The following GUCY1A2 variants were observed in gnomAD, a reference collection of about 807,000 sequenced individuals.
GUCY1A2 encodes the protein guanylate cyclase soluble subunit alpha-2.
Under a neutral mutation model 63.5 loss-of-function variants are expected in GUCY1A2, and 27 were observed. The ratio of observed to expected loss-of-function variants is 0.43; its 90% CI spans 0.31 to 0.59. GUCY1A2 has a LOEUF of 0.59. GUCY1A2 is among the 20% of genes least tolerant of loss of function. The pLI, the probability that GUCY1A2 is intolerant of heterozygous loss-of-function variation, is 0.11. For missense variants in GUCY1A2, 768 were observed against 913.3 expected, an observed-to-expected ratio of 0.84 and a Z score of 2.05; for synonymous variants, 364 against 343.5, an observed-to-expected ratio of 1.06 and a Z score of -0.66.
At chr11:106,718,466 T>C (rs778359014) in intron 6 of GUCY1A2, among the ~76,000 whole-genome samples, 3 of 152,114 alleles carry the variant, frequency 2.0e-5, no homozygotes, top group Non-Finnish European at 2.9e-5. Context: ...TATAGCAATA[T>C]GGCTCAAATT....
At position 106,742,633 on chromosome 11, in the gene GUCY1A2, T is replaced by C. The variant is rs182372902; in HGVS notation, c.1836+33806A>G. Among the ~76,000 whole-genome samples the C allele has an allele frequency of 4.5e-3, 692 of 152,336 alleles. 3 individuals carry two copies. Among genetic ancestry groups the C allele is most frequent in the Non-Finnish European group, 6.5e-3 (445 of 68,028 alleles). ...GGTTACATGTCTTTGCTATTGTGAATAGTACTGCAATGAACATGTGTGCAT... is the reference window on the plus strand; with the variant it reads ...GGTTACATGTCTTTGCTATTGTGAACAGTACTGCAATGAACATGTGTGCAT... On this transcript the variant is annotated intron_variant, in intron 6 of 7. Coordinates refer to ENST00000526355, the MANE Select transcript of GUCY1A2 (RefSeq NM_000855.3).
At chr11:106,974,078 C>T (rs1272178231) in intron 3 of GUCY1A2, among the ~76,000 whole-genome samples, 1 of 152,028 alleles carries the variant, frequency 6.6e-6, no homozygotes, top group East Asian at 1.9e-4. Context: ...TCCAGTCTTG[C>T]TCTAAATCAC....
At chr11:106,700,831 T>C (rs1001868232) in intron 7 of GUCY1A2, among the ~76,000 whole-genome samples, 2 of 152,006 alleles carry the variant, frequency 1.3e-5, no homozygotes, top group Non-Finnish European at 2.9e-5. Context: ...GAAAAACTAC[T>C]AGATAAGAAT....
At chr11:106,748,388 CATACTT>C (rs563251914) in intron 6 of GUCY1A2, among the ~76,000 whole-genome samples, 54 of 152,300 alleles carry the variant, frequency 3.5e-4, no homozygotes, top group African/African-American at 1.1e-3. Flanking sequence ...TATATGTACA[CATACTT>C]ATACAGGCTG....
At chr11:106,700,133 A>G (rs1230974911) in intron 7 of GUCY1A2, among the ~76,000 whole-genome samples, 1 of 152,072 alleles carries the variant, frequency 6.6e-6, no homozygotes, top group Non-Finnish European at 1.5e-5. Context: ...ATAATTATAT[A>G]TTTTCTCATT....
At chr11:106,806,223 T>C (rs1467218312) in intron 5 of GUCY1A2, among the ~76,000 whole-genome samples, 1 of 152,094 alleles carries the variant, frequency 6.6e-6, no homozygotes, top group Non-Finnish European at 1.5e-5. Flanking sequence ...TCTCAACTCT[T>C]TATAGGAAAG....
intron 4 of GUCY1A2, among the ~76,000 whole-genome samples, chr11:106,868,005 G>A (rs904461100): frequency 1.3e-4 from 20 of 152,010 alleles, no homozygotes; most frequent in South Asian, 1.0e-3. Flanking sequence ...CTCTGGTCTG[G>A]TGACAGATAT....
intron 3 of GUCY1A2, among the ~76,000 whole-genome samples, chr11:106,945,351 C>T (rs746736139): frequency 6.6e-5 from 10 of 151,510 alleles, no homozygotes; most frequent in Middle Eastern, 6.8e-3. Flanking sequence ...GAGATTCCAT[C>T]ACTCAGTGAA....
intron 4 of GUCY1A2, among the ~76,000 whole-genome samples, chr11:106,938,580 G>A (rs1025899916): frequency 2.6e-5 from 4 of 152,106 alleles, no homozygotes; most frequent in African/African-American, 9.7e-5. Flanking sequence ...ACTGGAAACT[G>A]AATGGAACTA....
intron 6 of GUCY1A2, among the ~76,000 whole-genome samples, chr11:106,733,472 A>G (rs2135373196): frequency 6.6e-6 from 1 of 152,288 alleles, no homozygotes; most frequent in Non-Finnish European, 1.5e-5. Flanking sequence ...TTCTTCCCTT[A>G]CCAGAAAGTC....
At chr11:106,757,909 G>C (rs950084488) in intron 6 of GUCY1A2, among the ~76,000 whole-genome samples, 5 of 152,218 alleles carry the variant, frequency 3.3e-5, no homozygotes, top group African/African-American at 1.2e-4. Flanking sequence ...TGTCTTTAGA[G>C]CTGTCAGGCA....
At chr11:106,934,301 G>A (rs749404290) in intron 4 of GUCY1A2, among the ~76,000 whole-genome samples, 1 of 152,082 alleles carries the variant, frequency 6.6e-6, no homozygotes, top group Non-Finnish European at 1.5e-5. Flanking sequence ...ATGTCAGGTT[G>A]TTCATCACTA....
chr11:106,709,453 TATATTTATAGAATAATATATATTATTA>T (rs1466516153), intron 6 of GUCY1A2, among the ~76,000 whole-genome samples: 5 of 97,520 alleles, frequency 5.1e-5, no homozygotes, highest in Non-Finnish European at 9.1e-5. Context: ...ATATATATTC[TATATTTATAGAATAATATATATTATTA>T]TATATTTATA....
At chr11:106,920,838 T>A (rs1860435015) in intron 4 of GUCY1A2, among the ~76,000 whole-genome samples, 1 of 152,138 alleles carries the variant, frequency 6.6e-6, no homozygotes, top group Non-Finnish European at 1.5e-5. Context: ...ACGGGTTTCT[T>A]TTATTCTAAC....
At chr11:106,729,832 C>T (rs988957830) in intron 6 of GUCY1A2, among the ~76,000 whole-genome samples, 1 of 151,760 alleles carries the variant, frequency 6.6e-6, no homozygotes, top group African/African-American at 2.4e-5. Flanking sequence ...GCTAAGGGAT[C>T]ACATTGTATT....
chr11:106,993,530 A>G (rs962617062), intron 1 of GUCY1A2, among the ~76,000 whole-genome samples: 5 of 135,698 alleles, frequency 3.7e-5, no homozygotes, highest in Non-Finnish European at 8.7e-5. Flanking sequence ...AAGCCAAAAA[A>G]TAAAAAATAA....
At chr11:106,896,018 A>G (rs886452302) in intron 4 of GUCY1A2, among the ~76,000 whole-genome samples, 1 of 148,820 alleles carries the variant, frequency 6.7e-6, no homozygotes, top group South Asian at 2.1e-4. Flanking sequence ...CAAAAAAAAA[A>G]AAAATATATA....
chr11:106,999,918 CTTAAT>C (rs1481086641), intron 1 of GUCY1A2, among the ~76,000 whole-genome samples: 3 of 152,136 alleles, frequency 2.0e-5, no homozygotes, highest in Admixed American at 6.5e-5. Flanking sequence ...ACATTTACAA[CTTAAT>C]TTAATATTTT....
At position 106,810,083 on chromosome 11, in the gene GUCY1A2, A is replaced by G. The variant is rs767557508; in HGVS notation, c.1602T>C (p.Cys534=). Residue 534 remains cysteine (C), a synonymous_variant, in exon 5 of 8, where the codon TGT becomes TGC. Coordinates refer to ENST00000526355, the MANE Select transcript of GUCY1A2 (RefSeq NM_000855.3). ...FSDIVGFTAI[C]AQCTPMQVIS... ...TTACTTGCATGGGAGTACACTGGGC[A>G]CATATGGCTGTGAAGCCAACAATGT... 12 of 1,613,524 alleles carry G rather than the reference A, an allele frequency of 7.4e-6. No homozygotes were observed. The highest frequency in any genetic ancestry group is 9.3e-6 in the Non-Finnish European group (11 of 1,179,594).
Sources: allele counts gnomAD v4.1 joint callset (sites outside exome capture counted in the v4.1 genomes callset), GRCh38; gene constraint gnomAD v4.1.1; transcripts MANE v1.5; gene names NCBI Gene and HGNC (gene_info 2026-07-23, HGNC 2026-07-21).